Variants in NRG3 observed in about 807,000 individuals in gnomAD.
NRG3 encodes neuregulin 3.
In NRG3, 31 loss-of-function variants were observed where a neutral mutation model predicts 66.9. The ratio of observed to expected loss-of-function variants is 0.46; its 90% confidence interval spans 0.35 to 0.63. The LOEUF is 0.63. Among genes scored for constraint, NRG3 ranks in the 20% least tolerant of loss-of-function variants. The probability of loss-of-function intolerance (pLI) is 0.00; values close to 1 mark genes in which losing one functional copy is unlikely to be tolerated. For synonymous variants in NRG3, 393 were observed against 359.4 expected (o/e 1.09, Z -1.06); for missense variants, 910 against 878.9 (o/e 1.04, Z -0.45).
intron 2 of NRG3, among the ~76,000 whole-genome samples, chr10:82,674,997 T>C (rs2134069346): frequency 6.6e-6 from 1 of 151,710 alleles, no homozygotes; most frequent in Middle Eastern, 3.4e-3. Context: ...CCTCACTGTG[T>C]CGCCCAGGCT....
At chr10:82,418,353 T>G (rs934442496) in intron 2 of NRG3, among the ~76,000 whole-genome samples, 9 of 148,332 alleles carry the variant, frequency 6.1e-5, no homozygotes, top group Non-Finnish European at 7.4e-5. Context: ...AAAGTTGATG[T>G]TATGTTCCAA....
At chr10:82,129,547 T>C (rs2068673668) in intron 1 of NRG3, among the ~76,000 whole-genome samples, 1 of 152,122 alleles carries the variant, frequency 6.6e-6, no homozygotes, top group Non-Finnish European at 1.5e-5. Context: ...ATTTCTTTGT[T>C]TTATGAACAT....
chr10:82,001,792 G>C (rs981804021), intron 1 of NRG3, among the ~76,000 whole-genome samples: 4 of 152,148 alleles, frequency 2.6e-5, no homozygotes, highest in Admixed American at 6.5e-5. Flanking sequence ...GAAATATTAA[G>C]TTGAGCAATC....
At chr10:82,242,303 A>G (rs2077040794) in intron 1 of NRG3, among the ~76,000 whole-genome samples, 1 of 152,186 alleles carries the variant, frequency 6.6e-6, no homozygotes, top group African/African-American at 2.4e-5. Flanking sequence ...TATCCTTTGC[A>G]AAAGATGGTG....
intron 2 of NRG3, among the ~76,000 whole-genome samples, chr10:82,633,207 G>T (rs1245031525): frequency 6.6e-6 from 1 of 152,192 alleles, no homozygotes; most frequent in African/African-American, 2.4e-5. Flanking sequence ...GCATTTGCTA[G>T]AACTGGGTCA....
chr10:82,709,187 A>C (rs1261857003), intron 2 of NRG3, among the ~76,000 whole-genome samples: 1 of 152,186 alleles, frequency 6.6e-6, no homozygotes, highest in Admixed American at 6.6e-5. Flanking sequence ...AATAAAATGT[A>C]AAATGCAGTT....
intron 2 of NRG3, among the ~76,000 whole-genome samples, chr10:82,723,569 A>G (rs764840242): frequency 6.6e-6 from 1 of 152,258 alleles, no homozygotes; most frequent in Non-Finnish European, 1.5e-5. Context: ...TTTGCCAATA[A>G]AAGTAATTTT....
intron 1 of NRG3, among the ~76,000 whole-genome samples, chr10:82,044,887 G>T (rs1022830046): frequency 2.6e-5 from 4 of 151,834 alleles, no homozygotes; most frequent in Non-Finnish European, 4.4e-5. Context: ...CCCTACAAAG[G>T]ATATGAACTC....
rs753244922 is a variant in NRG3, at chr10:81,875,632, G to C, written c.292G>C (p.Val98Leu). The change falls in exon 1 of 9, where the codon GTG becomes CTG. Residue 98 changes from valine (V) to leucine (L), a missense_variant. Transcript: ENST00000372141. This position sits in a 1 kb window ranked among gnomAD's most constrained non-coding sequence, Gnocchi z 5.3. ...CGTGGTGGGCTCCGTCAAGGAGTAC[G>C]TGCCCACCGACCTAGTGGACTCCAA... ...WIVVGSVKEY[V>L]PTDLVDSKGM... The C allele has an allele frequency of 3.5e-5, 57 of 1,613,538 alleles. No individual in the cohort carries two copies. The highest frequency in any genetic ancestry group is 3.3e-4 in the Middle Eastern group (2 of 6,084).
At chr10:82,972,227 A>G (rs576352831) in intron 6 of NRG3, among the ~76,000 whole-genome samples, 50 of 152,270 alleles carry the variant, frequency 3.3e-4, no homozygotes, top group Non-Finnish European at 6.0e-4. Flanking sequence ...AATTTCTAAT[A>G]CTTAAATATA....
chr10:82,537,990 A>G (rs2043276383), intron 2 of NRG3, among the ~76,000 whole-genome samples: 1 of 152,176 alleles, frequency 6.6e-6, no homozygotes, highest in Admixed American at 6.5e-5. Context: ...ATGGCAACAC[A>G]TTCCCTGTTC....
chr10:82,140,943 T>TA (rs1238850082), intron 1 of NRG3, among the ~76,000 whole-genome samples: 1 of 152,118 alleles, frequency 6.6e-6, no homozygotes, highest in Non-Finnish European at 1.5e-5. Context: ...TGAATGCAAA[T>TA]AAATTCTACA....
intron 1 of NRG3, among the ~76,000 whole-genome samples, chr10:81,987,636 G>A (rs2060576244): frequency 6.6e-6 from 1 of 152,152 alleles, no homozygotes; most frequent in Non-Finnish European, 1.5e-5. Context: ...TTGGATAAGA[G>A]CATCGTTGAT....
chr10:82,461,373 C>T (rs918596429), intron 2 of NRG3, among the ~76,000 whole-genome samples: 3 of 152,112 alleles, frequency 2.0e-5, no homozygotes, highest in African/African-American at 7.2e-5. Flanking sequence ...ACCACCAGCA[C>T]CCACCATTAC....
chr10:82,313,592 CA>C (rs1014968686), intron 1 of NRG3, among the ~76,000 whole-genome samples: 1 of 152,068 alleles, frequency 6.6e-6, no homozygotes, highest in African/African-American at 2.4e-5. Flanking sequence ...CCTGACCTCT[CA>C]AAAAGCAACC....
chr10:82,457,341 C>A (rs1161744447), intron 2 of NRG3, among the ~76,000 whole-genome samples: 4 of 152,136 alleles, frequency 2.6e-5, no homozygotes, highest in Non-Finnish European at 5.9e-5. Context: ...GTATTAGATT[C>A]TCATAAGGAA....
At chr10:82,483,305 G>C (rs1216658002) in intron 2 of NRG3, among the ~76,000 whole-genome samples, 2 of 152,174 alleles carry the variant, frequency 1.3e-5, no homozygotes, top group Non-Finnish European at 2.9e-5. Context: ...AGTGGTGACT[G>C]GGTCTCCCAG....
At chr10:82,558,128 T>C (rs2044769834) in intron 2 of NRG3, among the ~76,000 whole-genome samples, 1 of 152,130 alleles carries the variant, frequency 6.6e-6, no homozygotes. Flanking sequence ...GCATTGCAAA[T>C]TGCAGAAACA....
chr10:82,581,155 T>C (rs1333111759), intron 2 of NRG3, among the ~76,000 whole-genome samples: 1 of 152,004 alleles, frequency 6.6e-6, no homozygotes, highest in Non-Finnish European at 1.5e-5. Context: ...TGTATAGTGG[T>C]ATCTCATTTT....
Sources: gnomAD v4.1 joint callset for allele counts (sites outside exome capture counted in the v4.1 genomes callset) on GRCh38, gnomAD v4.1.1 for gene constraint, Gnocchi (gnomAD v3.1) non-coding constraint, MANE v1.5 for transcripts, NCBI Gene and HGNC (gene_info 2026-07-23, HGNC 2026-07-21) for gene names.